The following IFRD1 variants were observed in gnomAD, a reference collection of about 807,000 sequenced individuals.
IFRD1 encodes interferon-related developmental regulator 1.
A neutral mutation model predicts 52.9 loss-of-function variants in IFRD1; 35 were observed. The observed-to-expected ratio is 0.66, with a 90% CI of 0.51 to 0.88. The LOEUF (loss-of-function observed/expected upper bound fraction) is 0.88. Ranked by LOEUF, IFRD1 falls within the 40% of genes least tolerant of loss-of-function variation. The pLI is 0.00. For missense variants in IFRD1, 517 were observed against 550.8 expected (o/e 0.94, Z 0.61); for synonymous variants, 184 against 188.4 (o/e 0.98, Z 0.19).
intron 9 of IFRD1, among the ~76,000 whole-genome samples, chr7:112,471,817 C>T (rs554351970): frequency 6.6e-6 from 1 of 152,162 alleles, no homozygotes; most frequent in African/African-American, 2.4e-5. Context: ...TCCCTGGATC[C>T]CTACTGCCCA....
intron 4 of IFRD1, chr7:112,458,332 AAT>A (rs768107377): frequency 0.016 from 2,325 of 142,880 alleles, 37 homozygotes; most frequent in African/African-American, 0.051. Flanking sequence ...AAAAAAAAAA[AAT>A]AAATAAAGTT....
At chr7:112,441,440 G>GA (rs34492608) in intron 1 of IFRD1, among the ~76,000 whole-genome samples, 67,341 of 144,828 alleles carry the variant, frequency 0.46, 18,066 homozygotes, top group Non-Finnish European at 0.6. Flanking sequence ...CACCATCTCA[G>GA]AAAAAAAAAA....
At chr7:112,471,027 A>G (rs1795731870) in intron 9 of IFRD1, among the ~76,000 whole-genome samples, 1 of 152,208 alleles carries the variant, frequency 6.6e-6, no homozygotes, top group African/African-American at 2.4e-5. Flanking sequence ...AGGAAAGAGG[A>G]TAATAGGTAA....
At chr7:112,455,045 GT>G (rs1795254400) in intron 1 of IFRD1, among the ~76,000 whole-genome samples, 1 of 151,468 alleles carries the variant, frequency 6.6e-6, no homozygotes, top group African/African-American at 2.4e-5. Context: ...TTTTGTATTA[GT>G]AGAGACGGGG....
chr7:112,471,951 A>C (rs1340089843), intron 9 of IFRD1, among the ~76,000 whole-genome samples: 1 of 152,128 alleles, frequency 6.6e-6, no homozygotes, highest in African/African-American at 2.4e-5. Flanking sequence ...AGCTGTTGAA[A>C]TTTAAAGGTA....
At chr7:112,459,916 A>T (rs1381564386) in intron 5 of IFRD1, among the ~76,000 whole-genome samples, 2 of 152,260 alleles carry the variant, frequency 1.3e-5, no homozygotes, top group Admixed American at 1.3e-4. Context: ...TGGCAACTTC[A>T]TAGTAATCTC....
At chr7:112,451,783 T>C (rs189755152) in intron 1 of IFRD1, among the ~76,000 whole-genome samples, 50 of 152,066 alleles carry the variant, frequency 3.3e-4, no homozygotes, top group South Asian at 1.5e-3. Context: ...TAAACAGGAG[T>C]TAAATATTGG....
Position 112,475,431 on chromosome 7 carries a change from A to G in IFRD1, c.1268A>G (p.His423Arg). The change falls in exon 12 of 12, where the codon CAT (histidine) becomes CGT (arginine). Residue 423 changes from histidine to arginine, a missense_variant and splice_region_variant. By Grantham distance (29) the His-to-Arg change is conservative. Transcript: ENST00000403825. ...KTMKISRFERHLYNSAAFKAR... is the reference protein window; with the variant it reads ...KTMKISRFERRLYNSAAFKAR... The stretch of plus-strand genomic sequence containing the variant: ...CGTTTTTCCTTTTTTTCATTTTAGC[A>G]TTTATATAACTCTGCAGCCTTCAAA... 6.3e-7 allele frequency: 1 copy of G among 1,597,674 alleles called. No individual in the cohort carries two copies. Among genetic ancestry groups the G allele is most frequent in the South Asian group, 1.1e-5 (1 of 90,474 alleles).
intron 9 of IFRD1, among the ~76,000 whole-genome samples, chr7:112,471,200 A>G (rs1288246219): frequency 2.0e-5 from 3 of 152,182 alleles, no homozygotes; most frequent in South Asian, 2.1e-4. Flanking sequence ...TTTGCCTCAC[A>G]TGCATGTCCT....
intron 11 of IFRD1, among the ~76,000 whole-genome samples, chr7:112,474,388 C>T (rs1258081274): frequency 6.6e-6 from 1 of 152,168 alleles, no homozygotes; most frequent in East Asian, 1.9e-4. Flanking sequence ...AAGAAAGGTT[C>T]CAGTTTCTCC....
upstream of IFRD1, among the ~76,000 whole-genome samples, chr7:112,448,211 T>C (rs1001078222): frequency 5.3e-5 from 8 of 151,462 alleles, no homozygotes; most frequent in Middle Eastern, 3.2e-3. Flanking sequence ...GGGAAGCTGA[T>C]AATTTCATGA....
chr7:112,424,465 A>AG (rs2117215056), intron 1 of IFRD1, among the ~76,000 whole-genome samples: 1 of 151,048 alleles, frequency 6.6e-6, no homozygotes, highest in African/African-American at 2.4e-5. Flanking sequence ...TCCAGGCTGG[A>AG]GTGCAATGGC....
At chr7:112,473,043 T>C (rs911455228) in intron 11 of IFRD1, among the ~76,000 whole-genome samples, 182 bp downstream of exon 11, 1 of 73,986 alleles carries the variant, frequency 1.4e-5, no homozygotes, top group Non-Finnish European at 3.4e-5. Flanking sequence ...TGTGTGTGTG[T>C]GTGTGTGTGT....
chr7:112,462,096 A>G lies in IFRD1; in HGVS notation c.714A>G (p.Thr238=), dbSNP rs1224763911. 4 of 1,613,622 alleles carry G rather than the reference A, an allele frequency of 2.5e-6. No homozygotes were observed. Among genetic ancestry groups the G allele is most frequent in the East Asian group, 4.5e-5 (2 of 44,858 alleles). The change falls in exon 7 of 12, where the codon ACA becomes ACG. Residue 238 remains threonine, a synonymous_variant. Coordinates refer to ENST00000403825, the MANE Select transcript of IFRD1 (RefSeq NM_001550.4). ...CTGTTATTTGCAGCACTCCTAATAC[A>G]GTGCTTCATATCAGCTCTCTTCTTG... ...DTTVICSTPN[T]VLHISSLLAW... is the part of the protein sequence containing the mutation.
At chr7:112,445,202 G>C (rs1418861151) in intron 1 of IFRD1, among the ~76,000 whole-genome samples, 1 of 151,836 alleles carries the variant, frequency 6.6e-6, no homozygotes, top group Admixed American at 6.6e-5. Flanking sequence ...GAGTAGCTGG[G>C]ACTACAGGCG....
intron 1 of IFRD1, among the ~76,000 whole-genome samples, chr7:112,440,499 G>GT (rs1190867175): frequency 2.0e-5 from 3 of 152,160 alleles, no homozygotes; most frequent in Non-Finnish European, 4.4e-5. Context: ...TTTGGCATAG[G>GT]TTTTTAAAGT....
intron 1 of IFRD1, among the ~76,000 whole-genome samples, chr7:112,453,393 G>T (rs1795213165): frequency 6.6e-6 from 1 of 152,124 alleles, no homozygotes; most frequent in East Asian, 1.9e-4. Flanking sequence ...GTGTGGGTGG[G>T]TGAGTTTGAC....
chr7:112,476,533 A>G lies in IFRD1; in HGVS notation c.*1014A>G, dbSNP rs1454632133. On this transcript the variant is annotated 3_prime_UTR_variant, in exon 12 of 12. Coordinates refer to ENST00000403825, the MANE Select transcript of IFRD1 (RefSeq NM_001550.4). ...AATGAGTGTGGTGGTGTGTGCTTCTACTCTTTATCTACTTGGGTGCTGAGG... is the reference window on the plus strand; with the variant it reads ...AATGAGTGTGGTGGTGTGTGCTTCTGCTCTTTATCTACTTGGGTGCTGAGG... 3 of 151,794 alleles carry G rather than the reference A, an allele frequency of 2.0e-5. No homozygotes were observed. Among genetic ancestry groups the G allele is most frequent in the East Asian group, 1.9e-4 (1 of 5,154 alleles). The allele number at this position is 151,794 out of a possible 1,614,324, so 9.4% of individuals were successfully genotyped here.
At chr7:112,445,804 G>A (rs1054258883), upstream of IFRD1, among the ~76,000 whole-genome samples, 2 of 152,170 alleles carry the variant, frequency 1.3e-5, no homozygotes, top group African/African-American at 4.8e-5. Context: ...TGTTTCAGAA[G>A]TGACAAAACT....
Sources: allele counts gnomAD v4.1 joint callset (sites outside exome capture counted in the v4.1 genomes callset), GRCh38; gene constraint gnomAD v4.1.1; transcripts MANE v1.5; gene names NCBI Gene and HGNC (gene_info 2026-07-23, HGNC 2026-07-21).